The following ROBO1 variants were observed in gnomAD, a reference collection of about 807,000 sequenced individuals.
The protein encoded by ROBO1 is roundabout homolog 1.
ROBO1 carries 149 observed loss-of-function variants against 195.9 expected under a neutral mutation model. The ratio of observed to expected loss-of-function variants is 0.76; its 90% CI spans 0.67 to 0.87. The LOEUF (loss-of-function observed/expected upper bound fraction) is 0.87. Ranked by LOEUF, ROBO1 falls within the 40% of genes least tolerant of loss-of-function variation. ROBO1 has a pLI of 0.00. For synonymous variants in ROBO1, 816 were observed against 733.2 expected (o/e 1.11, Z -1.82); for missense variants, 1,933 against 2,068.3 (o/e 0.93, Z 1.27).
chr3:79,490,305 C>G (rs1426550203), intron 2 of ROBO1, among the ~76,000 whole-genome samples: 4 of 152,156 alleles, frequency 2.6e-5, no homozygotes, highest in Admixed American at 1.3e-4. Flanking sequence ...TTTGTCATCC[C>G]CATGGACTCA....
chr3:79,724,774 AG>A (rs1702847159), intron 1 of ROBO1, among the ~76,000 whole-genome samples: 2 of 152,244 alleles, frequency 1.3e-5, no homozygotes, highest in Admixed American at 6.5e-5. Context: ...AGAAAGTGTG[AG>A]ATAAATCAAT....
At chr3:79,243,982 T>C (rs2082572947) in intron 2 of ROBO1, among the ~76,000 whole-genome samples, 1 of 152,210 alleles carries the variant, frequency 6.6e-6, no homozygotes, top group Admixed American at 6.5e-5. Context: ...TTTAAGTCTT[T>C]AATCCATCTT....
chr3:78,860,201 G>A (rs996890544), intron 4 of ROBO1, among the ~76,000 whole-genome samples: 1 of 149,934 alleles, frequency 6.7e-6, no homozygotes, highest in Non-Finnish European at 1.5e-5. Context: ...TTGCTGAATA[G>A]GTTTTCTGAG....
intron 14 of ROBO1, among the ~76,000 whole-genome samples, chr3:78,667,024 TGAC>T (rs1158315511): frequency 1.3e-5 from 2 of 152,150 alleles, no homozygotes; most frequent in Non-Finnish European, 2.9e-5. Context: ...TTATTTACAA[TGAC>T]GTGATTTTTT....
intron 2 of ROBO1, among the ~76,000 whole-genome samples, chr3:79,238,138 AAGCCATGTAAAAATACAT>A (rs1489713088): frequency 4.6e-5 from 7 of 152,316 alleles, no homozygotes; most frequent in African/African-American, 1.4e-4. Flanking sequence ...CAAAACTATG[AAGCCATGTAAAAATACAT>A]TTATTTAGTA....
At chr3:79,693,217 T>C (rs986425301) in intron 1 of ROBO1, among the ~76,000 whole-genome samples, 1 of 151,794 alleles carries the variant, frequency 6.6e-6, no homozygotes, top group South Asian at 2.1e-4. Context: ...TCACAATGTA[T>C]AAATACATCA....
chr3:79,685,525 C>T (rs148298648), intron 1 of ROBO1, among the ~76,000 whole-genome samples: 5 of 152,158 alleles, frequency 3.3e-5, no homozygotes, highest in Non-Finnish European at 4.4e-5. Flanking sequence ...TATTGCACAA[C>T]GTCCTGGGAT....
At chr3:78,905,378 C>T (rs947182298) in intron 4 of ROBO1, among the ~76,000 whole-genome samples, 12 of 152,072 alleles carry the variant, frequency 7.9e-5, no homozygotes, top group Non-Finnish European at 8.8e-5. Flanking sequence ...TGGCTCATGC[C>T]TATAATCTCA....
intron 3 of ROBO1, among the ~76,000 whole-genome samples, chr3:78,948,598 C>T (rs1390329409): frequency 6.6e-6 from 1 of 152,114 alleles, no homozygotes; most frequent in Non-Finnish European, 1.5e-5. Context: ...TCTTTGAAAA[C>T]GGGCACAAGA....
chr3:79,090,864 C>A (rs1212560373), intron 3 of ROBO1, among the ~76,000 whole-genome samples: 1 of 152,026 alleles, frequency 6.6e-6, no homozygotes, highest in African/African-American at 2.4e-5. Flanking sequence ...ATAATATTAG[C>A]TTTATCATGT....
At chr3:79,706,029 A>G (rs950642859) in intron 1 of ROBO1, among the ~76,000 whole-genome samples, 12 of 152,240 alleles carry the variant, frequency 7.9e-5, no homozygotes, top group African/African-American at 1.9e-4. Context: ...AAACCTGCCT[A>G]TAATTGCTTA....
chr3:78,925,246 T>C (rs374626492), intron 4 of ROBO1, among the ~76,000 whole-genome samples: 1 of 152,198 alleles, frequency 6.6e-6, no homozygotes, highest in Admixed American at 6.5e-5. Context: ...CTGTTTAGTA[T>C]AGATTCTGAA....
chr3:79,765,175 A>G (rs73849838), intron 1 of ROBO1, among the ~76,000 whole-genome samples: 4,276 of 152,322 alleles, frequency 0.028, 214 homozygotes, highest in African/African-American at 0.099. Context: ...CAGCTCCTAC[A>G]GGGCTAAATT....
intron 2 of ROBO1, among the ~76,000 whole-genome samples, chr3:79,278,822 A>G (rs1354347113): frequency 1.3e-5 from 2 of 152,200 alleles, no homozygotes. Context: ...AGGCAACTGA[A>G]GCAAAAATAA....
At chr3:79,016,480 C>T (rs2077937195) in intron 3 of ROBO1, among the ~76,000 whole-genome samples, 1 of 152,068 alleles carries the variant, frequency 6.6e-6, no homozygotes, top group South Asian at 2.1e-4. Flanking sequence ...ATCAGTGTAG[C>T]TCTAACATTA....
intron 8 of ROBO1, chr3:78,693,166 T>A: frequency 2.9e-6 from 2 of 699,094 alleles, no homozygotes; most frequent in Non-Finnish European, 2.3e-6. Context: ...TTTACTCTTT[T>A]CACAGTTACC....
At chr3:78,651,032 A>T (rs1706616893) in intron 19 of ROBO1, among the ~76,000 whole-genome samples, 1 of 152,218 alleles carries the variant, frequency 6.6e-6, no homozygotes, top group Non-Finnish European at 1.5e-5. Context: ...GAGTTTAAGG[A>T]TAAGTAGCAA....
At chr3:78,984,767 GAT>G (rs572831779) in intron 3 of ROBO1, among the ~76,000 whole-genome samples, 68 of 152,294 alleles carry the variant, frequency 4.5e-4, no homozygotes, top group African/African-American at 1.6e-3. Context: ...AAAACAAAGT[GAT>G]GGCATTAGCA....
intron 3 of ROBO1, 36 bp downstream of exon 3, chr3:79,125,420 A>T: frequency 6.5e-7 from 1 of 1,549,736 alleles, no homozygotes; most frequent in Non-Finnish European, 8.9e-7. Context: ...GAGGCATTTC[A>T]GGAGGAAGTT....
Sources: allele counts gnomAD v4.1 joint callset (sites outside exome capture counted in the v4.1 genomes callset), GRCh38; gene constraint gnomAD v4.1.1; transcripts MANE v1.5; gene names NCBI Gene and HGNC (gene_info 2026-07-23, HGNC 2026-07-21).